Variants in RFX3 observed in about 807,000 individuals in gnomAD.
The protein encoded by RFX3 is regulatory factor X3, also known as transcription factor RFX3.
Under a neutral mutation model 98.6 loss-of-function variants are expected in RFX3, and 14 were observed. The observed-to-expected ratio is 0.14, with a 90% CI of 0.09 to 0.22. The LOEUF (loss-of-function observed/expected upper bound fraction) is 0.22. RFX3 is among the 10% of genes least tolerant of loss of function. The probability of loss-of-function intolerance (pLI) is 1.00; values close to 1 mark genes in which losing one functional copy is unlikely to be tolerated. For synonymous variants in RFX3, 383 were observed against 328.4 expected (o/e 1.17, Z -1.80); for missense variants, 639 against 926.9 (o/e 0.69, Z 4.03).
At position 3,222,845 on chromosome 9, in the gene RFX3, G is replaced by C. The variant is rs1286705749; in HGVS notation, c.*2197C>G. The C allele has an allele frequency of 1.3e-5, 2 of 152,114 alleles. No homozygotes were observed. The highest frequency in any genetic ancestry group is 2.9e-5 in the Non-Finnish European group (2 of 68,020). The allele number at this position is 152,114 out of a possible 1,614,324, so 9.4% of individuals were successfully genotyped here. ...AGATGAAGGTGATGCTACTATGCTA[G>C]TGAAGACTTTCAAATATATGAGTGA... On this transcript the variant is annotated 3_prime_UTR_variant, in exon 17 of 17. Coordinates refer to ENST00000617270, the MANE Select transcript of RFX3 (RefSeq NM_001282116.2).
intron 4 of RFX3, 22 bp downstream of exon 4, chr9:3,330,237 T>C: frequency 6.2e-7 from 1 of 1,613,042 alleles, no homozygotes; most frequent in Non-Finnish European, 8.5e-7. Context: ...TAAACTAAAC[T>C]ACTAAAAATT....
chr9:3,264,888 A>C (rs1222743158), intron 12 of RFX3, among the ~76,000 whole-genome samples: 2 of 152,202 alleles, frequency 1.3e-5, no homozygotes, highest in Admixed American at 6.5e-5. Flanking sequence ...TTGGATTGTT[A>C]CCACATTCAC....
chr9:3,466,691 G>A (rs897895592), intron 1 of RFX3, among the ~76,000 whole-genome samples: 2 of 151,982 alleles, frequency 1.3e-5, no homozygotes, highest in Non-Finnish European at 2.9e-5. Flanking sequence ...AGATAACTAG[G>A]TGATTAGTAA....
intron 3 of RFX3, among the ~76,000 whole-genome samples, chr9:3,340,743 C>G (rs886070382): frequency 4.6e-5 from 7 of 152,088 alleles, no homozygotes; most frequent in African/African-American, 1.2e-4. Context: ...TCCTTAAAAA[C>G]TCAGGAAACA....
chr9:3,483,668 T>C (rs1002880566), intron 1 of RFX3, among the ~76,000 whole-genome samples: 1 of 152,202 alleles, frequency 6.6e-6, no homozygotes, highest in African/African-American at 2.4e-5. Context: ...TCCAGGTATA[T>C]GCTTTCCTCT....
At chr9:3,290,820 C>G (rs1419571422) in intron 6 of RFX3, among the ~76,000 whole-genome samples, 3 of 152,132 alleles carry the variant, frequency 2.0e-5, no homozygotes, top group African/African-American at 7.2e-5. Flanking sequence ...AAAACTGACA[C>G]AGTGAAGGGG....
intron 12 of RFX3, among the ~76,000 whole-genome samples, chr9:3,265,638 A>G (rs1823530853): frequency 6.6e-6 from 1 of 152,162 alleles, no homozygotes; most frequent in South Asian, 2.1e-4. Flanking sequence ...AGAGACTAAA[A>G]TTTGTATCTC....
At chr9:3,448,653 G>C (rs999821622) in intron 1 of RFX3, among the ~76,000 whole-genome samples, 8 of 152,136 alleles carry the variant, frequency 5.3e-5, no homozygotes, top group African/African-American at 1.9e-4. Flanking sequence ...CAAGTAGCTA[G>C]GACTACAGAT....
At chr9:3,314,037 C>A (rs1000172397) in intron 4 of RFX3, among the ~76,000 whole-genome samples, 6 of 152,162 alleles carry the variant, frequency 3.9e-5, no homozygotes, top group African/African-American at 1.4e-4. Flanking sequence ...CAAAGATACT[C>A]CTCGAGAAGA....
chr9:3,470,653 G>A (rs188296218), intron 1 of RFX3, among the ~76,000 whole-genome samples: 6 of 152,156 alleles, frequency 3.9e-5, no homozygotes, highest in Admixed American at 1.3e-4. Flanking sequence ...TTCACAGCCC[G>A]ATACTAGCTC....
chr9:3,395,355 T>A (rs919666754), intron 2 of RFX3, 117 bp downstream of exon 2: 5 of 1,160,268 alleles, frequency 4.3e-6, no homozygotes, highest in Non-Finnish European at 6.1e-6. Context: ...ACCTAAAAAC[T>A]GAAGTATGCC....
At chr9:3,278,986 C>G (rs548112210) in intron 7 of RFX3, among the ~76,000 whole-genome samples, 2 of 151,912 alleles carry the variant, frequency 1.3e-5, no homozygotes, top group East Asian at 3.9e-4. Flanking sequence ...CTGGGAGGTA[C>G]TTTTCAACTG....
At chr9:3,250,509 T>C (rs1821241522) in intron 14 of RFX3, among the ~76,000 whole-genome samples, 3 of 152,116 alleles carry the variant, frequency 2.0e-5, no homozygotes, top group Admixed American at 2.0e-4. Flanking sequence ...TCCCTATGAA[T>C]ATAAATTCAT....
At chr9:3,425,438 T>C (rs934268369) in intron 1 of RFX3, among the ~76,000 whole-genome samples, 2 of 152,208 alleles carry the variant, frequency 1.3e-5, no homozygotes, top group African/African-American at 2.4e-5. Context: ...TAGTTTTAAA[T>C]AGACCCACAG....
intron 1 of RFX3, among the ~76,000 whole-genome samples, chr9:3,490,618 GTAA>G: frequency 6.6e-6 from 1 of 152,118 alleles, no homozygotes; most frequent in Middle Eastern, 3.4e-3. Context: ...TCATAGTATT[GTAA>G]TAATAAGAAA....
At chr9:3,397,211 C>G (rs1164728466) in intron 1 of RFX3, among the ~76,000 whole-genome samples, 2 of 152,162 alleles carry the variant, frequency 1.3e-5, no homozygotes, top group Non-Finnish European at 2.9e-5. Flanking sequence ...CCTTGACATC[C>G]CCTTTTACTA....
intron 1 of RFX3, among the ~76,000 whole-genome samples, chr9:3,479,931 A>G (rs186014370): frequency 6.6e-6 from 1 of 152,348 alleles, no homozygotes; most frequent in Admixed American, 6.5e-5. Context: ...GGAAGAGAAA[A>G]GAGTTGTTCA....
chr9:3,421,119 C>G (rs1424677774), intron 1 of RFX3, among the ~76,000 whole-genome samples: 1 of 151,784 alleles, frequency 6.6e-6, no homozygotes, highest in South Asian at 2.1e-4. Flanking sequence ...CATTCAGTGA[C>G]TGAGCCAGAA....
chr9:3,368,462 C>T (rs1837452619), intron 2 of RFX3, among the ~76,000 whole-genome samples: 1 of 151,914 alleles, frequency 6.6e-6, no homozygotes, highest in African/African-American at 2.4e-5. Context: ...TTCAAGAGGA[C>T]TGAGAACAAC....
Sources: gnomAD v4.1 joint callset for allele counts (sites outside exome capture counted in the v4.1 genomes callset) on GRCh38, gnomAD v4.1.1 for gene constraint, MANE v1.5 for transcripts, NCBI Gene and HGNC (gene_info 2026-07-23, HGNC 2026-07-21) for gene names.